SHISA5: variants seen among roughly 807,000 people sequenced by gnomAD.
SHISA5 encodes the protein shisa family member 5.
A neutral mutation model predicts 27.5 loss-of-function variants in SHISA5; 21 were observed. The ratio of observed to expected loss-of-function variants is 0.76; its 90% CI spans 0.54 to 1.10. The LOEUF (loss-of-function observed/expected upper bound fraction) is 1.10. SHISA5 is among the 50% of genes least tolerant of loss of function. The pLI is 0.00. For synonymous variants in SHISA5, 137 were observed against 142.2 expected (o/e 0.96, Z 0.26); for missense variants, 314 against 336.3 (o/e 0.93, Z 0.52).
intron 1 of SHISA5, chr3:48,503,743 C>A: frequency 8.2e-7 from 1 of 1,221,262 alleles, no homozygotes; most frequent in Admixed American, 4.1e-5. Context: ...GGACTCCATC[C>A]CCTGGAACAT....
At position 48,469,894 on chromosome 3, in the gene SHISA5, G is replaced by A; in HGVS notation, c.315-51C>T. The A allele has an allele frequency of 6.3e-7, 1 of 1,580,698 alleles. No individual in the cohort carries two copies. The highest frequency in any genetic ancestry group is 8.6e-7 in the Non-Finnish European group (1 of 1,162,594). Reference sequence around the variant, plus strand: ...GGGCACCTCGCCCCTCCCCAGACCAGCATCCACACCTTCCCAAGGCATGCC... The same window carrying A: ...GGGCACCTCGCCCCTCCCCAGACCAACATCCACACCTTCCCAAGGCATGCC... On this transcript the variant is annotated intron_variant, in intron 3 of 5. Transcript: ENST00000296444. This position sits in a 1 kb window ranked among gnomAD's most constrained non-coding sequence, Gnocchi z 4.6.
intron 2 of SHISA5, among the ~76,000 whole-genome samples, chr3:48,496,691 G>A (rs942206904): frequency 2.0e-5 from 3 of 150,472 alleles, no homozygotes; most frequent in Non-Finnish European, 4.4e-5. Context: ...CCGTGATCAC[G>A]CCATCACACT....
intron 3 of SHISA5, among the ~76,000 whole-genome samples, chr3:48,471,683 C>G (rs1210364549): frequency 6.6e-6 from 1 of 151,392 alleles, no homozygotes; most frequent in East Asian, 1.9e-4. Flanking sequence ...GAGGCCGAGG[C>G]AGGTGGATCA....
At chr3:48,491,255 G>A (rs1347738367) in intron 2 of SHISA5, among the ~76,000 whole-genome samples, 3 of 151,858 alleles carry the variant, frequency 2.0e-5, no homozygotes, top group Non-Finnish European at 2.9e-5. Context: ...AGTAGCTGGG[G>A]CTACAAGCGC....
rs1363982518 is a variant in SHISA5 at position 48,495,066 on chromosome 3, C to A, written c.233+6071G>T. Reference sequence around the variant, plus strand: ...AAGCGATCCTCCTACCTCAGCCTCCCAAAGTGCTGGGATTACAGGTGTGAG... The same window carrying A: ...AAGCGATCCTCCTACCTCAGCCTCCAAAAGTGCTGGGATTACAGGTGTGAG... On this transcript the variant is annotated intron_variant, in intron 2 of 5. Coordinates refer to ENST00000296444, the MANE Select transcript of SHISA5 (RefSeq NM_016479.6). Among the ~76,000 whole-genome samples the A allele has an allele frequency of 3.4e-5, 5 of 146,530 alleles. 1 individual carries two copies. Among genetic ancestry groups the A allele is most frequent in the African/African-American group, 5.5e-5 (2 of 36,620 alleles).
At chr3:48,483,712 G>A (rs1484339135) in intron 2 of SHISA5, among the ~76,000 whole-genome samples, 3 of 150,440 alleles carry the variant, frequency 2.0e-5, no homozygotes, top group Admixed American at 6.6e-5. Context: ...CTGGCCGGGT[G>A]GGGGGCTGAC....
intron 2 of SHISA5, among the ~76,000 whole-genome samples, chr3:48,491,806 C>A (rs929950554): frequency 5.3e-5 from 8 of 151,780 alleles, no homozygotes; most frequent in Admixed American, 4.6e-4. Flanking sequence ...CACCATCATG[C>A]CTGGGGATTT....
chr3:48,503,571 G>GCGC (rs2041816104), intron 1 of SHISA5: 1 of 412,794 alleles, frequency 2.4e-6, no homozygotes, highest in African/African-American at 2.1e-5. Flanking sequence ...GCCAGCCTCA[G>GCGC]CGCCGGGCTC....
chr3:48,491,129 T>C (rs1383315075), intron 2 of SHISA5, among the ~76,000 whole-genome samples: 6 of 148,952 alleles, frequency 4.0e-5, no homozygotes, highest in Admixed American at 4.0e-4. Flanking sequence ...TATTTCTTCT[T>C]TTTTTTTGAG....
At chr3:48,500,951 G>A (rs992860840) in intron 2 of SHISA5, among the ~76,000 whole-genome samples, 186 bp downstream of exon 2, 3 of 152,122 alleles carry the variant, frequency 2.0e-5, no homozygotes, top group Admixed American at 2.0e-4. Flanking sequence ...ATGGACAGGG[G>A]ACTAACTGAG....
chr3:48,469,877 C>T lies in SHISA5; in HGVS notation c.315-34G>A, dbSNP rs376233673. 1.0e-5 allele frequency: 16 copies of T among 1,595,430 alleles called. No individual in the cohort carries two copies. Among genetic ancestry groups the T allele is most frequent in the Middle Eastern group, 1.7e-4 (1 of 6,028 alleles). On this transcript the variant is annotated intron_variant, in intron 3 of 5. Coordinates refer to ENST00000296444, the MANE Select transcript of SHISA5 (RefSeq NM_016479.6). The surrounding 1 kb of genome is among the most constrained non-coding windows in gnomAD (Gnocchi z 4.6). Reference sequence around the variant, plus strand: ...GAGCTAGACGTGACCCGGGGCACCTCGCCCCTCCCCAGACCAGCATCCACA... The same window carrying T: ...GAGCTAGACGTGACCCGGGGCACCTTGCCCCTCCCCAGACCAGCATCCACA...
At chr3:48,487,026 G>T (rs2041270163) in intron 2 of SHISA5, among the ~76,000 whole-genome samples, 1 of 151,874 alleles carries the variant, frequency 6.6e-6, no homozygotes, top group Admixed American at 6.6e-5. Context: ...TGGAAGGATT[G>T]CTTAAGCCCA....
intron 2 of SHISA5, among the ~76,000 whole-genome samples, chr3:48,494,397 A>T (rs1560132901): frequency 6.9e-6 from 1 of 144,184 alleles, no homozygotes; most frequent in Non-Finnish European, 1.5e-5. Context: ...TCCCGAGTTC[A>T]AGGGATTCTC....
chr3:48,468,602 C>G lies in SHISA5; in HGVS notation c.*505G>C. 8.4e-7 allele frequency: 1 copy of G among 1,194,724 alleles called. No individual in the cohort carries two copies. Among genetic ancestry groups the G allele is most frequent in the Non-Finnish European group, 1.1e-6 (1 of 945,490 alleles). The allele number at this position is 1,194,724 out of a possible 1,614,324, so 74.0% of individuals were successfully genotyped here. On this transcript the variant is annotated 3_prime_UTR_variant, in exon 6 of 6. Coordinates refer to ENST00000296444, the MANE Select transcript of SHISA5 (RefSeq NM_016479.6). ...CCCAAGCTTCGCCTGCATCATGTCC[C>G]TGGCTCTGCAACGGGTACCCCCAAC... is the stretch of plus-strand genomic sequence containing the variant.
At chr3:48,504,265 A>AGGGAGGAGGGAGGAAGGT (rs1290411686), upstream of SHISA5, 7 of 370,956 alleles carry the variant, frequency 1.9e-5, no homozygotes, top group Non-Finnish European at 2.9e-5. This position sits in a 1 kb window ranked among gnomAD's most constrained non-coding sequence, Gnocchi z 4.0. Context: ...AGGAGGGAGG[A>AGGGAGGAGGGAGGAAGGT]GGGAGGAGGG....
intron 2 of SHISA5, among the ~76,000 whole-genome samples, chr3:48,487,621 G>T (rs1185038710): frequency 1.3e-5 from 2 of 152,138 alleles, no homozygotes; most frequent in Non-Finnish European, 2.9e-5. Context: ...CCAGCTGGGC[G>T]CAGTGGCTCA....
chr3:48,479,051 G>T, intron 3 of SHISA5, 126 bp downstream of exon 3: 1 of 807,836 alleles, frequency 1.2e-6, no homozygotes, highest in Non-Finnish European at 2.0e-6. Context: ...GTCAGATATG[G>T]TGACAGTTTC....
At chr3:48,479,328 G>T in intron 2 of SHISA5, 71 bp from the exon 3 acceptor site, 1 of 1,441,938 alleles carries the variant, frequency 6.9e-7, no homozygotes. Flanking sequence ...CTACCTTAGG[G>T]CACCACAAAA....
intron 2 of SHISA5, among the ~76,000 whole-genome samples, chr3:48,481,014 C>T (rs146099410): frequency 1.4e-3 from 214 of 151,686 alleles, no homozygotes; most frequent in Non-Finnish European, 1.7e-3. Flanking sequence ...AGAATTGCTT[C>T]GACCCAGGTG....
Sources: gnomAD v4.1 joint callset for allele counts (sites outside exome capture counted in the v4.1 genomes callset) on GRCh38, gnomAD v4.1.1 for gene constraint, Gnocchi (gnomAD v3.1) non-coding constraint, MANE v1.5 for transcripts, NCBI Gene and HGNC (gene_info 2026-07-23, HGNC 2026-07-21) for gene names.